CENPP: variants seen among roughly 807,000 people sequenced by gnomAD.
CENPP encodes centromere protein P.
CENPP carries 24 observed loss-of-function variants against 35.6 expected under a neutral mutation model. That is an observed-to-expected ratio of 0.67 (90% CI 0.49 to 0.95). The LOEUF (loss-of-function observed/expected upper bound fraction) is 0.95, where lower values mean the gene tolerates loss of function less well. Among genes scored for constraint, CENPP ranks in the 40% least tolerant of loss-of-function variants. The probability of loss-of-function intolerance (pLI) is 0.00; values close to 1 mark genes in which losing one functional copy is unlikely to be tolerated. For synonymous variants in CENPP, 120 were observed against 125.5 expected, an observed-to-expected ratio of 0.96 and a Z score of 0.29; for missense variants, 332 against 345.3, an observed-to-expected ratio of 0.96 and a Z score of 0.31.
In CENPP at chr9:92,617,293, G is replaced by C. The variant is rs561805014; in HGVS notation, c.*4144G>C. On this transcript the variant is annotated 3_prime_UTR_variant, in exon 8 of 8. Transcript: ENST00000375587. ...CTGGGCTGGAACAGTCACATCCCCAGCCCATGACTAGGGTTACGTATTTTA... is the reference window on the plus strand; with the variant it reads ...CTGGGCTGGAACAGTCACATCCCCACCCCATGACTAGGGTTACGTATTTTA... The C allele has an allele frequency of 6.6e-6, 1 of 152,228 alleles. No individual in the cohort carries two copies. Among genetic ancestry groups the C allele is most frequent in the African/African-American group, 2.4e-5 (1 of 41,414 alleles). The allele number at this position is 152,228 out of a possible 1,614,324, so 9.4% of individuals were successfully genotyped here.
At chr9:92,610,237 C>A (rs918233643) in intron 5 of CENPP, among the ~76,000 whole-genome samples, 2 of 152,084 alleles carry the variant, frequency 1.3e-5, no homozygotes, top group African/African-American at 4.8e-5. Flanking sequence ...TGTATTTTTA[C>A]TAGAGACAGG....
intron 4 of CENPP, among the ~76,000 whole-genome samples, chr9:92,353,937 G>A (rs1841527911): frequency 1.3e-5 from 2 of 152,120 alleles, no homozygotes; most frequent in Non-Finnish European, 2.9e-5. Context: ...GCAAAGTATT[G>A]TCACCTAGTT....
chr9:92,332,535 C>T (rs1840784176), intron 2 of CENPP, among the ~76,000 whole-genome samples, 184 bp downstream of exon 2: 1 of 152,314 alleles, frequency 6.6e-6, no homozygotes, highest in East Asian at 1.9e-4. Context: ...CTGGGCCAGG[C>T]CCCGTGATCA....
intron 5 of CENPP, among the ~76,000 whole-genome samples, chr9:92,589,931 A>T (rs1206345052): frequency 1.3e-5 from 2 of 152,180 alleles, no homozygotes; most frequent in Admixed American, 1.3e-4. Context: ...TATTATGTTT[A>T]AAATATTGTA....
chr9:92,527,553 G>A (rs1307226415), intron 5 of CENPP, among the ~76,000 whole-genome samples: 1 of 152,112 alleles, frequency 6.6e-6, no homozygotes, highest in African/African-American at 2.4e-5. Context: ...ACTGTAATTT[G>A]TTGATATCCA....
intron 5 of CENPP, among the ~76,000 whole-genome samples, chr9:92,506,083 A>C (rs781018996): frequency 2.6e-5 from 4 of 152,246 alleles, no homozygotes; most frequent in Non-Finnish European, 4.4e-5. Flanking sequence ...AGTTGTGGAC[A>C]GTCATTGGAA....
At chr9:92,381,897 C>CTT (rs79507211) in intron 5 of CENPP, among the ~76,000 whole-genome samples, 57 of 133,702 alleles carry the variant, frequency 4.3e-4, no homozygotes, top group African/African-American at 1.5e-3. Flanking sequence ...TTATTTTCTG[C>CTT]TTTTTTTTTT....
intron 5 of CENPP, chr9:92,456,873 G>A: frequency 9.4e-6 from 8 of 852,548 alleles, no homozygotes; most frequent in Non-Finnish European, 1.1e-5. Context: ...TCACATTACT[G>A]TCTTTGTTAA....
rs770852765 is a variant in CENPP at position 92,416,608 on chromosome 9, AG to A, written c.564+36750del. ...CTTTCTCTCTTCAAAACACAATAAAAGTCTACATACTTTCTATTTCATTATT... is the reference window on the plus strand; with the variant it reads ...CTTTCTCTCTTCAAAACACAATAAAATCTACATACTTTCTATTTCATTATT... On this transcript the variant is annotated intron_variant, in intron 5 of 7. Coordinates refer to ENST00000375587, the MANE Select transcript of CENPP (RefSeq NM_001012267.3). 4 of 1,437,598 alleles carry A rather than the reference AG, an allele frequency of 2.8e-6. No homozygotes were observed. The Admixed American group carries it at 8.7e-5, about 31-fold the overall frequency. The allele number at this position is 1,437,598 out of a possible 1,614,324, so 89.1% of individuals were successfully genotyped here.
At chr9:92,512,312 G>C (rs1010143442) in intron 5 of CENPP, among the ~76,000 whole-genome samples, 8 of 152,192 alleles carry the variant, frequency 5.3e-5, no homozygotes, top group Non-Finnish European at 1.2e-4. Context: ...GCTGGAAATA[G>C]ATGGTTTAAC....
intron 5 of CENPP, among the ~76,000 whole-genome samples, chr9:92,592,053 A>G (rs988037157): frequency 1.3e-5 from 2 of 152,004 alleles, no homozygotes; most frequent in Non-Finnish European, 2.9e-5. Flanking sequence ...TAAAGTATAA[A>G]AAAAAATAGA....
At chr9:92,477,646 A>G (rs1475877485) in intron 5 of CENPP, among the ~76,000 whole-genome samples, 1 of 152,082 alleles carries the variant, frequency 6.6e-6, no homozygotes, top group Non-Finnish European at 1.5e-5. Context: ...ACTGTACCCC[A>G]TGCAGTGTCA....
intron 5 of CENPP, among the ~76,000 whole-genome samples, chr9:92,424,955 C>T (rs997264338): frequency 4.6e-5 from 7 of 152,208 alleles, no homozygotes; most frequent in Non-Finnish European, 8.8e-5. Context: ...GGATTACAGG[C>T]ATGAGCCACC....
chr9:92,442,848 C>T (rs973569176), intron 5 of CENPP, among the ~76,000 whole-genome samples: 1 of 114,988 alleles, frequency 8.7e-6, no homozygotes, highest in Non-Finnish European at 1.9e-5. Context: ...GACTCCTTCT[C>T]AAAAAAAAAA....
chr9:92,393,748 G>A (rs1260673991), intron 5 of CENPP, among the ~76,000 whole-genome samples: 1 of 151,266 alleles, frequency 6.6e-6, no homozygotes, highest in Non-Finnish European at 1.5e-5. Context: ...CTTAGTCTTT[G>A]TTTTTTATAC....
At chr9:92,347,957 T>C (rs1223738615) in intron 4 of CENPP, among the ~76,000 whole-genome samples, 1 of 152,186 alleles carries the variant, frequency 6.6e-6, no homozygotes, top group Non-Finnish European at 1.5e-5. Flanking sequence ...GGAGTCTTAC[T>C]CGGTCACCCA....
chr9:92,492,632 T>C (rs1292494257), intron 5 of CENPP, among the ~76,000 whole-genome samples: 1 of 152,154 alleles, frequency 6.6e-6, no homozygotes, highest in East Asian at 1.9e-4. Context: ...CCATACCACA[T>C]GCCCTATACC....
chr9:92,571,334 T>C (rs1047908289), intron 5 of CENPP, among the ~76,000 whole-genome samples: 2 of 152,244 alleles, frequency 1.3e-5, no homozygotes, highest in African/African-American at 4.8e-5. Context: ...CATTTCGTTA[T>C]GTACCCATTA....
Position 92,489,164 on chromosome 9 carries a change from G to A in CENPP, c.564+109305G>A, listed in dbSNP as rs1028735413. Among the ~76,000 whole-genome samples the A allele has an allele frequency of 2.0e-5, 3 of 152,200 alleles. No individual in the cohort carries two copies. In the South Asian group the frequency reaches 6.2e-4, roughly 32 times the overall value. Reference sequence around the variant, plus strand: ...ATGCTCCTGTTCACCTTGTAGACATGTCATAAGCTGAAGCCTTATTTAAGA... The same window carrying A: ...ATGCTCCTGTTCACCTTGTAGACATATCATAAGCTGAAGCCTTATTTAAGA... On this transcript the variant is annotated intron_variant, in intron 5 of 7. Transcript: ENST00000375587.
Sources: gnomAD v4.1 joint callset for allele counts (sites outside exome capture counted in the v4.1 genomes callset) on GRCh38, gnomAD v4.1.1 for gene constraint, MANE v1.5 for transcripts, NCBI Gene and HGNC (gene_info 2026-07-23, HGNC 2026-07-21) for gene names.